Variants in CNTNAP2 observed in about 807,000 individuals in gnomAD.
CNTNAP2 encodes the protein contactin-associated protein-like 2.
A neutral mutation model predicts 155.2 loss-of-function variants in CNTNAP2; 98 were observed. The observed-to-expected ratio is 0.63, with a 90% CI of 0.54 to 0.75. CNTNAP2 has a LOEUF of 0.75. CNTNAP2 is among the 30% of genes least tolerant of loss of function. The probability of loss-of-function intolerance (pLI) is 0.00; values close to 1 mark genes in which losing one functional copy is unlikely to be tolerated. For missense variants in CNTNAP2, 1,727 were observed against 1,688.1 expected (o/e 1.02, Z -0.40); for synonymous variants, 651 against 631.2 (o/e 1.03, Z -0.47).
chr7:146,994,084 C>T (rs1186156692), intron 3 of CNTNAP2, among the ~76,000 whole-genome samples: 1 of 152,098 alleles, frequency 6.6e-6, no homozygotes, highest in Non-Finnish European at 1.5e-5. Context: ...ATTCATGGAA[C>T]TAACAATACA....
chr7:147,291,148 A>G (rs10256646), intron 8 of CNTNAP2, among the ~76,000 whole-genome samples: 23,226 of 151,158 alleles, frequency 0.15, 2,905 homozygotes, highest in East Asian at 0.7. Context: ...TGATTTTTTT[A>G]TTCTTTTTTT....
At chr7:147,131,461 AT>A (rs1023577836) in intron 7 of CNTNAP2, among the ~76,000 whole-genome samples, 11 of 151,782 alleles carry the variant, frequency 7.2e-5, no homozygotes, top group African/African-American at 2.7e-4. Context: ...AATGATAAAT[AT>A]TTTTTTCTTT....
chr7:147,110,812 T>C (rs1800861826), intron 5 of CNTNAP2, among the ~76,000 whole-genome samples: 1 of 152,190 alleles, frequency 6.6e-6, no homozygotes, highest in Admixed American at 6.6e-5. Context: ...TCTTTGCTAT[T>C]GTGAATAGTG....
At chr7:146,238,354 C>T (rs1011845594) in intron 1 of CNTNAP2, among the ~76,000 whole-genome samples, 3 of 152,038 alleles carry the variant, frequency 2.0e-5, no homozygotes, top group South Asian at 2.1e-4. Context: ...CACAGTTTTA[C>T]GACCATTAAA....
intron 1 of CNTNAP2, among the ~76,000 whole-genome samples, chr7:146,217,639 A>G (rs1407577503): frequency 2.0e-5 from 3 of 152,216 alleles, no homozygotes; most frequent in African/African-American, 7.2e-5. Flanking sequence ...GTGTTATGAA[A>G]TAATATGTGC....
At chr7:146,682,172 A>C (rs1800516162) in intron 1 of CNTNAP2, among the ~76,000 whole-genome samples, 1 of 152,040 alleles carries the variant, frequency 6.6e-6, no homozygotes, top group South Asian at 2.1e-4. Flanking sequence ...TCAAAATTTT[A>C]ATTAATTAGA....
intron 2 of CNTNAP2, 41 bp from the exon 3 acceptor site, chr7:146,839,670 T>A (rs1204363916): frequency 6.2e-7 from 1 of 1,607,398 alleles, no homozygotes; most frequent in Non-Finnish European, 8.5e-7. Context: ...AAGTTCAAAT[T>A]TAAATATTCA....
At chr7:147,699,907 A>G (rs148848499) in intron 13 of CNTNAP2, among the ~76,000 whole-genome samples, 1 of 152,178 alleles carries the variant, frequency 6.6e-6, no homozygotes, top group East Asian at 1.9e-4. Context: ...CCTATTCTGA[A>G]TATTTTATAT....
chr7:147,190,131 C>G (rs556451959), intron 8 of CNTNAP2, among the ~76,000 whole-genome samples: 3 of 152,200 alleles, frequency 2.0e-5, no homozygotes, highest in Non-Finnish European at 4.4e-5. Context: ...CATCATCTGT[C>G]ACATATAGAG....
rs1291647772 is a variant in CNTNAP2, at chr7:147,576,185, A to T, written c.1897+13928A>T. 3.3e-5 allele frequency among the ~76,000 whole-genome samples: 5 copies of T among 152,014 alleles called. 1 individual carries two copies. The highest frequency in any genetic ancestry group is 7.2e-5 in the African/African-American group (3 of 41,416). ...AAGGGCCATGTCTGTCTTGTTTACT[A>T]CTGAACCCAGCAGAGTGTCTGGTAT... On this transcript the variant is annotated intron_variant, in intron 12 of 23. Transcript: ENST00000361727.
chr7:146,755,627 A>G (rs569141877), intron 1 of CNTNAP2, among the ~76,000 whole-genome samples: 3 of 152,026 alleles, frequency 2.0e-5, no homozygotes, highest in Non-Finnish European at 4.4e-5. Context: ...TGTTCTGAAT[A>G]ATAAGAAATG....
At chr7:146,374,785 A>G (rs1220903258) in intron 1 of CNTNAP2, among the ~76,000 whole-genome samples, 1 of 152,204 alleles carries the variant, frequency 6.6e-6, no homozygotes, top group Non-Finnish European at 1.5e-5. Flanking sequence ...GTACTTGAAT[A>G]TATGTGGTTT....
At chr7:148,365,869 T>C (rs113560080) in intron 21 of CNTNAP2, among the ~76,000 whole-genome samples, 944 of 34,356 alleles carry the variant, frequency 0.027, 442 homozygotes, top group East Asian at 0.17. Context: ...TACATGTATG[T>C]GTATGCATGT....
At chr7:146,467,754 A>G (rs1796736479) in intron 1 of CNTNAP2, among the ~76,000 whole-genome samples, 1 of 152,176 alleles carries the variant, frequency 6.6e-6, no homozygotes. Context: ...ATTCAGGTAA[A>G]GTTGATCTAG....
intron 8 of CNTNAP2, among the ~76,000 whole-genome samples, chr7:147,275,415 TTG>T (rs140379075): frequency 5.8e-4 from 86 of 148,242 alleles, no homozygotes; most frequent in African/African-American, 8.1e-4. Context: ...TTGTGTATGT[TTG>T]TGTGTGTGTG....
chr7:146,315,272 C>T (rs1217112907), intron 1 of CNTNAP2, among the ~76,000 whole-genome samples: 1 of 152,100 alleles, frequency 6.6e-6, no homozygotes, highest in African/African-American at 2.4e-5. Context: ...AGGGAAATCT[C>T]CCAATGTGCT....
At chr7:146,840,644 G>A (rs1004613415) in intron 3 of CNTNAP2, among the ~76,000 whole-genome samples, 1 of 152,018 alleles carries the variant, frequency 6.6e-6, no homozygotes, top group Non-Finnish European at 1.5e-5. Flanking sequence ...AAAGGGAAGG[G>A]GGAAAAGAAG....
At chr7:147,153,720 G>A (rs1182454751) in intron 8 of CNTNAP2, among the ~76,000 whole-genome samples, 19 of 152,126 alleles carry the variant, frequency 1.2e-4, no homozygotes, top group Admixed American at 4.6e-4. Context: ...CCTTGAAAAC[G>A]CTGACTTTCA....
At chr7:147,153,312 T>C (rs1270429734) in intron 8 of CNTNAP2, among the ~76,000 whole-genome samples, 3 of 152,120 alleles carry the variant, frequency 2.0e-5, no homozygotes, top group African/African-American at 7.2e-5. Flanking sequence ...TAGCTTATAA[T>C]TGTTATATAT....
Sources: allele counts gnomAD v4.1 joint callset (sites outside exome capture counted in the v4.1 genomes callset), GRCh38; gene constraint gnomAD v4.1.1; transcripts MANE v1.5; gene names NCBI Gene and HGNC (gene_info 2026-07-23, HGNC 2026-07-21).